SBF2: variants seen among roughly 807,000 people sequenced by gnomAD.
SBF2 encodes myotubularin-related protein 13.
SBF2 carries 112 observed loss-of-function variants against 225.2 expected under a neutral mutation model. The observed-to-expected ratio is 0.50, with a 90% CI of 0.43 to 0.58. The LOEUF (loss-of-function observed/expected upper bound fraction) is 0.58, where lower values mean the gene tolerates loss of function less well. SBF2 is among the 20% of genes least tolerant of loss of function. The pLI is 0.00. For synonymous variants in SBF2, 763 were observed against 773.3 expected (o/e 0.99, Z 0.22); for missense variants, 1,996 against 2,206.2 (o/e 0.90, Z 1.91).
At chr11:10,070,655 T>A (rs1590886162) in intron 2 of SBF2, among the ~76,000 whole-genome samples, 1 of 152,308 alleles carries the variant, frequency 6.6e-6, no homozygotes, top group East Asian at 1.9e-4. Flanking sequence ...CTTTTTTGGT[T>A]CCATATGAAC....
At chr11:9,863,754 C>CTTTT (rs57525886) in intron 17 of SBF2, among the ~76,000 whole-genome samples, 2 of 141,690 alleles carry the variant, frequency 1.4e-5, no homozygotes, top group Non-Finnish European at 3.1e-5. Context: ...CCCTCTCTCT[C>CTTTT]TTTTTTTTTT....
chr11:10,048,040 A>G (rs1468857133), intron 2 of SBF2, among the ~76,000 whole-genome samples: 1 of 152,048 alleles, frequency 6.6e-6, no homozygotes, highest in Non-Finnish European at 1.5e-5. Flanking sequence ...TTATCTATTA[A>G]TACTAATCTG....
chr11:10,122,895 A>G (rs1015923225), intron 2 of SBF2, among the ~76,000 whole-genome samples: 1 of 152,212 alleles, frequency 6.6e-6, no homozygotes, highest in Non-Finnish European at 1.5e-5. Context: ...CAAAGGTTAA[A>G]TTATATTAGT....
intron 2 of SBF2, among the ~76,000 whole-genome samples, chr11:10,172,823 T>C (rs1410319400): frequency 6.6e-6 from 1 of 152,192 alleles, no homozygotes; most frequent in East Asian, 1.9e-4. Flanking sequence ...TGTGCCATCA[T>C]GCTTGGCTAA....
At chr11:9,858,124 T>C in intron 18 of SBF2, 102 bp downstream of exon 18, 3 of 1,302,244 alleles carry the variant, frequency 2.3e-6, no homozygotes, top group Non-Finnish European at 3.3e-6. Flanking sequence ...CCAAATACAC[T>C]GGCAGGAAGT....
At chr11:10,107,469 A>T (rs1484503778) in intron 2 of SBF2, among the ~76,000 whole-genome samples, 7 of 152,192 alleles carry the variant, frequency 4.6e-5, no homozygotes, top group Non-Finnish European at 1.0e-4. Context: ...ATCTTGTATT[A>T]GTTTCACAGG....
chr11:9,999,076 A>G lies in SBF2; in HGVS notation c.862-697T>C, dbSNP rs757175507. 2.0e-5 allele frequency among the ~76,000 whole-genome samples: 3 copies of G among 152,216 alleles called. No homozygotes were observed. The East Asian group carries it at 5.8e-4, about 29-fold the overall frequency. ...AAGCTGATCTTTAGCATTTTACAAAAGTCTATTTAAAAATAACTTACATAA... is the reference window on the plus strand; with the variant it reads ...AAGCTGATCTTTAGCATTTTACAAAGGTCTATTTAAAAATAACTTACATAA... On this transcript the variant is annotated intron_variant, in intron 8 of 39. Transcript: ENST00000256190.
intron 2 of SBF2, among the ~76,000 whole-genome samples, chr11:10,077,411 G>A (rs1404897171): frequency 6.6e-6 from 1 of 152,058 alleles, no homozygotes; most frequent in East Asian, 1.9e-4. Context: ...TATACTACAA[G>A]GCTACAGTAA....
At position 9,969,635 on chromosome 11, in the gene SBF2, C is replaced by T. The variant is rs796644532; in HGVS notation, c.1396-1090G>A. Among the ~76,000 whole-genome samples, 8 of 152,292 alleles carry T rather than the reference C, an allele frequency of 5.3e-5. 1 individual carries two copies. The highest frequency in any genetic ancestry group is 1.9e-4 in the African/African-American group (8 of 41,554). On this transcript the variant is annotated intron_variant, in intron 13 of 39. Coordinates refer to ENST00000256190, the MANE Select transcript of SBF2 (RefSeq NM_030962.4). ...ATGAATCTGTACAGCATCCTCCTTCCTTTCTTGCATTTCTTAGCTCAAAAG... is the reference window on the plus strand; with the variant it reads ...ATGAATCTGTACAGCATCCTCCTTCTTTTCTTGCATTTCTTAGCTCAAAAG...
chr11:10,024,014 T>C (rs1363239111), intron 6 of SBF2, among the ~76,000 whole-genome samples: 1 of 152,196 alleles, frequency 6.6e-6, no homozygotes, highest in Non-Finnish European at 1.5e-5. Context: ...AAACAACCAG[T>C]GACCTGTTTC....
At chr11:9,845,472 G>A (rs1209558703) in intron 24 of SBF2, 93 bp downstream of exon 24, 6 of 1,136,256 alleles carry the variant, frequency 5.3e-6, no homozygotes, top group African/African-American at 1.5e-5. Context: ...AATGAAAACA[G>A]CAATCGCTTA....
At chr11:10,169,564 T>C (rs1301645705) in intron 2 of SBF2, among the ~76,000 whole-genome samples, 1 of 152,224 alleles carries the variant, frequency 6.6e-6, no homozygotes, top group Non-Finnish European at 1.5e-5. Flanking sequence ...CACATTTTCT[T>C]TATCCGTTTG....
intron 32 of SBF2, among the ~76,000 whole-genome samples, chr11:9,797,445 C>T (rs1853190742): frequency 6.6e-6 from 1 of 152,186 alleles, no homozygotes; most frequent in Non-Finnish European, 1.5e-5. Flanking sequence ...TGCAGTGGGC[C>T]TGCAAACCAC....
At chr11:10,299,441 G>A (rs756280543) in intron 1 of SBF2, among the ~76,000 whole-genome samples, 4 of 151,824 alleles carry the variant, frequency 2.6e-5, no homozygotes, top group Middle Eastern at 3.2e-3. Context: ...CCTGACATTA[G>A]CAGCTACAGT....
At chr11:10,202,114 C>A (rs879631946) in intron 1 of SBF2, among the ~76,000 whole-genome samples, 5 of 152,174 alleles carry the variant, frequency 3.3e-5, no homozygotes, top group Admixed American at 6.5e-5. Flanking sequence ...CAGAATGCAT[C>A]ATTTTACTGA....
chr11:10,255,052 A>C (rs1443003136), intron 1 of SBF2, among the ~76,000 whole-genome samples: 1 of 152,124 alleles, frequency 6.6e-6, no homozygotes, highest in African/African-American at 2.4e-5. Flanking sequence ...TGAAACTCAC[A>C]GAAGCAGAGG....
intron 38 of SBF2, among the ~76,000 whole-genome samples, chr11:9,783,589 TG>T (rs1376047171): frequency 2.6e-5 from 4 of 152,190 alleles, no homozygotes; most frequent in Non-Finnish European, 1.5e-5. Flanking sequence ...GCTGGAGGTT[TG>T]GGTAGGAACT....
At chr11:10,241,049 G>T (rs1959204334) in intron 1 of SBF2, among the ~76,000 whole-genome samples, 1 of 152,126 alleles carries the variant, frequency 6.6e-6, no homozygotes, top group Non-Finnish European at 1.5e-5. Context: ...AGCTTGAAAT[G>T]CATATACAAG....
At chr11:10,021,744 G>A (rs538498074) in intron 6 of SBF2, among the ~76,000 whole-genome samples, 2 of 152,160 alleles carry the variant, frequency 1.3e-5, no homozygotes, top group African/African-American at 2.4e-5. Flanking sequence ...TGTAAAATCC[G>A]CTACCACCAC....
Sources: gnomAD v4.1 joint callset for allele counts (sites outside exome capture counted in the v4.1 genomes callset) on GRCh38, gnomAD v4.1.1 for gene constraint, MANE v1.5 for transcripts, NCBI Gene and HGNC (gene_info 2026-07-23, HGNC 2026-07-21) for gene names.